The following COL22A1 variants were observed in gnomAD, a reference collection of about 807,000 sequenced individuals.
The protein encoded by COL22A1 is collagen alpha-1(XXII) chain.
Under a neutral mutation model 248.9 loss-of-function variants are expected in COL22A1, and 221 were observed. The ratio of observed to expected loss-of-function variants is 0.89; its 90% confidence interval spans 0.80 to 0.99. The LOEUF (loss-of-function observed/expected upper bound fraction) is 0.99, where lower values mean the gene tolerates loss of function less well. Ranked by LOEUF, COL22A1 falls within the 50% of genes least tolerant of loss-of-function variation. The pLI is 0.00. For synonymous variants in COL22A1, 891 were observed against 793.4 expected (o/e 1.12, Z -2.07); for missense variants, 2,240 against 2,179.0 (o/e 1.03, Z -0.56).
intron 12 of COL22A1, among the ~76,000 whole-genome samples, chr8:138,792,340 G>A (rs1816133171): frequency 6.6e-6 from 1 of 152,194 alleles, no homozygotes; most frequent in East Asian, 1.9e-4. Flanking sequence ...AGAAAGCTAA[G>A]ACCACTGGCA....
intron 56 of COL22A1, among the ~76,000 whole-genome samples, chr8:138,613,000 A>G (rs1280814621): frequency 4.0e-5 from 6 of 151,342 alleles, no homozygotes; most frequent in Non-Finnish European, 8.8e-5. Context: ...TGTAATCCCA[A>G]TACTTTGGGA....
intron 22 of COL22A1, among the ~76,000 whole-genome samples, chr8:138,742,383 T>C (rs1361380546): frequency 6.6e-6 from 1 of 151,942 alleles, no homozygotes; most frequent in Admixed American, 6.5e-5. Flanking sequence ...ATGATGATGG[T>C]AGAGTTGATG....
chr8:138,818,294 A>C (rs1818841501), intron 7 of COL22A1, among the ~76,000 whole-genome samples: 1 of 152,176 alleles, frequency 6.6e-6, no homozygotes, highest in African/African-American at 2.4e-5. Flanking sequence ...CTGGCTGCCC[A>C]AGACAGGGAA....
intron 1 of COL22A1, among the ~76,000 whole-genome samples, chr8:138,894,782 G>A (rs1825289179): frequency 6.6e-6 from 1 of 152,182 alleles, no homozygotes; most frequent in South Asian, 2.1e-4. Context: ...TAATATAAGT[G>A]AGCATGCTAC....
intron 32 of COL22A1, among the ~76,000 whole-genome samples, chr8:138,698,883 G>A (rs1171049562): frequency 6.6e-6 from 1 of 152,266 alleles, no homozygotes; most frequent in Non-Finnish European, 1.5e-5. Context: ...CCAGAGCGGA[G>A]CAGAGTTATA....
At chr8:138,843,297 C>T (rs1457675954) in intron 4 of COL22A1, among the ~76,000 whole-genome samples, 2 of 152,150 alleles carry the variant, frequency 1.3e-5, no homozygotes, top group African/African-American at 2.4e-5. Flanking sequence ...CCAAACACTT[C>T]GTCCTGACCT....
At chr8:138,870,659 T>C (rs773634891) in intron 3 of COL22A1, among the ~76,000 whole-genome samples, 1 of 152,022 alleles carries the variant, frequency 6.6e-6, no homozygotes. Context: ...TCATGTGGCG[T>C]GTGCAAAACG....
At chr8:138,744,874 G>C (rs1400888886) in intron 22 of COL22A1, among the ~76,000 whole-genome samples, 1 of 152,176 alleles carries the variant, frequency 6.6e-6, no homozygotes, top group Non-Finnish European at 1.5e-5. Flanking sequence ...GAGATGGGTG[G>C]GGAGCACTGC....
chr8:138,591,623 A>C, intron 63 of COL22A1, 122 bp from the exon 64 acceptor site: 1 of 593,464 alleles, frequency 1.7e-6, no homozygotes, highest in Non-Finnish European at 2.7e-6. Flanking sequence ...AGTCTAAACC[A>C]CCCTGAGCAC....
At chr8:138,606,480 C>T in intron 57 of COL22A1, 28 bp from the exon 58 acceptor site, 6 of 1,608,172 alleles carry the variant, frequency 3.7e-6, no homozygotes, top group Non-Finnish European at 5.1e-6. Context: ...AGAATTAATT[C>T]CTCAAGGTCA....
intron 27 of COL22A1, among the ~76,000 whole-genome samples, chr8:138,719,189 C>T (rs572842288): frequency 3.3e-5 from 5 of 151,984 alleles, no homozygotes; most frequent in Admixed American, 6.6e-5. Flanking sequence ...AAAGGTGGCC[C>T]GAGTACTTTT....
chr8:138,720,595 C>A, intron 27 of COL22A1, 144 bp downstream of exon 27: 2 of 721,502 alleles, frequency 2.8e-6, no homozygotes, highest in Non-Finnish European at 5.0e-6. Context: ...CTTAACCCTG[C>A]CCCTTTTCAA....
intron 49 of COL22A1, among the ~76,000 whole-genome samples, chr8:138,634,348 A>G (rs1820966468): frequency 6.6e-6 from 1 of 152,110 alleles, no homozygotes. Context: ...CAAGGGTCTC[A>G]TGTGGAACCC....
intron 22 of COL22A1, among the ~76,000 whole-genome samples, chr8:138,742,919 A>C (rs1378606318): frequency 6.7e-6 from 1 of 149,410 alleles, no homozygotes; most frequent in African/African-American, 2.5e-5. Context: ...AGTGATTGTG[A>C]TGGTAATGGT....
chr8:138,798,252 A>G (rs1329685210), intron 11 of COL22A1, among the ~76,000 whole-genome samples: 1 of 151,624 alleles, frequency 6.6e-6, no homozygotes, highest in Non-Finnish European at 1.5e-5. Flanking sequence ...TAGTTGGTTC[A>G]TGTAGTATAT....
Position 138,630,409 on chromosome 8 carries a change from G to A in COL22A1, c.3663+286C>T, listed in dbSNP as rs192805706. Reference sequence around the variant, plus strand: ...ACACTGACAAGAAATTGAGATATGGGGCCTAAATGTAGGGCTTATTTGCAT... The same window carrying A: ...ACACTGACAAGAAATTGAGATATGGAGCCTAAATGTAGGGCTTATTTGCAT... On this transcript the variant is annotated intron_variant, in intron 50 of 64. Transcript: ENST00000303045. Among the ~76,000 whole-genome samples the A allele has an allele frequency of 3.2e-4, 48 of 152,274 alleles. 1 individual carries two copies. The highest frequency in any genetic ancestry group is 6.2e-4 in the Non-Finnish European group (42 of 68,026).
chr8:138,779,682 A>AG, intron 13 of COL22A1, 120 bp from the exon 14 acceptor site: 2 of 676,458 alleles, frequency 3.0e-6, no homozygotes, highest in South Asian at 3.5e-5. Flanking sequence ...CACAGAAACA[A>AG]GGTAGCCACC....
At chr8:138,751,372 ACTGT>A in intron 22 of COL22A1, 82 bp downstream of exon 22, 1 of 909,560 alleles carries the variant, frequency 1.1e-6, no homozygotes, top group Non-Finnish European at 1.7e-6. Flanking sequence ...TGAAACTGAC[ACTGT>A]CTATCTTCTC....
chr8:138,840,602 T>G (rs1820811351), intron 4 of COL22A1, among the ~76,000 whole-genome samples: 1 of 151,688 alleles, frequency 6.6e-6, no homozygotes, highest in Non-Finnish European at 1.5e-5. Context: ...TTATTATTAT[T>G]ATTAAGAAAA....
Sources: allele counts gnomAD v4.1 joint callset (sites outside exome capture counted in the v4.1 genomes callset), GRCh38; gene constraint gnomAD v4.1.1; transcripts MANE v1.5; gene names NCBI Gene and HGNC (gene_info 2026-07-23, HGNC 2026-07-21).